SLC24A3: variants seen among roughly 807,000 people sequenced by gnomAD.
SLC24A3 encodes solute carrier family 24 member 3.
SLC24A3 carries 28 observed loss-of-function variants against 75.8 expected under a neutral mutation model. The ratio of observed to expected loss-of-function variants is 0.37; its 90% confidence interval spans 0.27 to 0.51. The LOEUF (loss-of-function observed/expected upper bound fraction) is 0.51. SLC24A3 is among the 20% of genes least tolerant of loss of function. SLC24A3 has a pLI of 0.94. For missense variants in SLC24A3, 663 were observed against 847.8 expected, an observed-to-expected ratio of 0.78 and a Z score of 2.71; for synonymous variants, 372 against 334.1, an observed-to-expected ratio of 1.11 and a Z score of -1.24.
chr20:19,639,630 G>A (rs947837074), intron 6 of SLC24A3, among the ~76,000 whole-genome samples: 28 of 152,362 alleles, frequency 1.8e-4, no homozygotes, highest in African/African-American at 5.3e-4. Context: ...CTGTGCAGCC[G>A]CACTCCTCAG....
At chr20:19,637,910 T>C (rs2032020716) in intron 6 of SLC24A3, among the ~76,000 whole-genome samples, 1 of 152,168 alleles carries the variant, frequency 6.6e-6, no homozygotes, top group South Asian at 2.1e-4. Context: ...AGATTAGGAG[T>C]ATAAGAGAAT....
At chr20:19,650,642 C>T (rs1406969) in intron 6 of SLC24A3, among the ~76,000 whole-genome samples, 1 of 151,534 alleles carries the variant, frequency 6.6e-6, no homozygotes, top group Non-Finnish European at 1.5e-5. Context: ...TTTTAGCCCC[C>T]CCTTCTCACT....
At chr20:19,601,093 G>A (rs181238592) in intron 6 of SLC24A3, among the ~76,000 whole-genome samples, 5 of 152,292 alleles carry the variant, frequency 3.3e-5, no homozygotes, top group East Asian at 1.9e-4. Context: ...CTACTAAATG[G>A]GAGTAATAAT....
chr20:19,595,063 C>T (rs775269901), intron 6 of SLC24A3, among the ~76,000 whole-genome samples: 3 of 152,038 alleles, frequency 2.0e-5, no homozygotes, highest in Non-Finnish European at 2.9e-5. Context: ...AGCCATTGCC[C>T]CCAGGAACAG....
At chr20:19,579,047 T>C (rs148479655) in intron 3 of SLC24A3, among the ~76,000 whole-genome samples, 11 of 152,302 alleles carry the variant, frequency 7.2e-5, no homozygotes, top group Non-Finnish European at 1.3e-4. Flanking sequence ...ACCTAGGTCA[T>C]GTGCTCACCT....
intron 3 of SLC24A3, among the ~76,000 whole-genome samples, chr20:19,529,922 G>T (rs977874240): frequency 6.6e-6 from 1 of 152,048 alleles, no homozygotes; most frequent in Admixed American, 6.5e-5. Context: ...ACCAAAAATG[G>T]CAAGAAGTGA....
intron 2 of SLC24A3, among the ~76,000 whole-genome samples, chr20:19,380,951 T>C (rs1986169786): frequency 6.6e-6 from 1 of 152,136 alleles, no homozygotes. Flanking sequence ...TTTATAATAA[T>C]TAGCCAGGCC....
chr20:19,382,515 C>T (rs1986200023), intron 2 of SLC24A3, among the ~76,000 whole-genome samples: 1 of 152,136 alleles, frequency 6.6e-6, no homozygotes, highest in South Asian at 2.1e-4. Flanking sequence ...AGGGGCCTTG[C>T]GGCTGGCAGA....
At chr20:19,668,444 C>A (rs868113802) in intron 8 of SLC24A3, among the ~76,000 whole-genome samples, 79 of 152,246 alleles carry the variant, frequency 5.2e-4, no homozygotes, top group African/African-American at 1.6e-3. Flanking sequence ...TTTGAAAATA[C>A]CTTTAACAGA....
At chr20:19,241,202 A>T (rs923415913) in intron 1 of SLC24A3, among the ~76,000 whole-genome samples, 1 of 152,228 alleles carries the variant, frequency 6.6e-6, no homozygotes, top group Non-Finnish European at 1.5e-5. Flanking sequence ...TTAGGGTAGG[A>T]CACGGACGGG....
intron 2 of SLC24A3, among the ~76,000 whole-genome samples, chr20:19,341,023 G>A (rs1985260601): frequency 6.6e-6 from 1 of 152,188 alleles, no homozygotes; most frequent in African/African-American, 2.4e-5. Flanking sequence ...TTGCATGTAA[G>A]CTCTTCCCTC....
At chr20:19,708,656 C>T (rs1486616147) in intron 15 of SLC24A3, among the ~76,000 whole-genome samples, 1 of 152,228 alleles carries the variant, frequency 6.6e-6, no homozygotes, top group Non-Finnish European at 1.5e-5. Context: ...GAAACAGGAC[C>T]GTGTCAGAAG....
chr20:19,322,598 C>G (rs1984738617), intron 2 of SLC24A3, among the ~76,000 whole-genome samples: 1 of 152,160 alleles, frequency 6.6e-6, no homozygotes, highest in Non-Finnish European at 1.5e-5. Flanking sequence ...GGATTTCCCT[C>G]TAGCCTGCAT....
chr20:19,516,713 C>T (rs1431419278), intron 3 of SLC24A3, among the ~76,000 whole-genome samples: 3 of 152,220 alleles, frequency 2.0e-5, no homozygotes, highest in Non-Finnish European at 4.4e-5. Context: ...CACGTGGCAG[C>T]CCAGAGAGCT....
intron 15 of SLC24A3, among the ~76,000 whole-genome samples, chr20:19,711,132 A>AC (rs1568707543): frequency 6.7e-6 from 1 of 150,080 alleles, no homozygotes; most frequent in Non-Finnish European, 1.5e-5. Context: ...CATGCAGGCA[A>AC]ACACACACAC....
intron 6 of SLC24A3, among the ~76,000 whole-genome samples, chr20:19,634,467 A>G (rs2031975267): frequency 6.6e-6 from 1 of 152,186 alleles, no homozygotes. Flanking sequence ...GGCTTGTCCC[A>G]AAATGTTCAT....
chr20:19,221,663 C>A (rs747322900), intron 1 of SLC24A3, among the ~76,000 whole-genome samples: 6 of 152,194 alleles, frequency 3.9e-5, no homozygotes, highest in Non-Finnish European at 8.8e-5. Flanking sequence ...GCTTGAATGT[C>A]TTCTAGCTTC....
In SLC24A3 at chr20:19,428,474, A is replaced by T. The variant is rs548109795; in HGVS notation, c.272-87014A>T. 7.2e-5 allele frequency among the ~76,000 whole-genome samples: 11 copies of T among 152,350 alleles called. No individual in the cohort carries two copies. The South Asian group carries it at 2.3e-3, about 32-fold the overall frequency. Reference sequence around the variant, plus strand: ...GCGAAATTCTAAAATGGGAACAAGGATGTGGAGGAAGTTCCACATTTGCAT... The same window carrying T: ...GCGAAATTCTAAAATGGGAACAAGGTTGTGGAGGAAGTTCCACATTTGCAT... On this transcript the variant is annotated intron_variant, in intron 2 of 16. Coordinates refer to ENST00000328041, the MANE Select transcript of SLC24A3 (RefSeq NM_020689.4).
intron 15 of SLC24A3, among the ~76,000 whole-genome samples, chr20:19,699,236 T>C (rs1325119312): frequency 6.6e-6 from 1 of 152,234 alleles, no homozygotes; most frequent in South Asian, 2.1e-4. Context: ...CTTCACCTTA[T>C]TACAGGCTAA....
Sources: allele counts gnomAD v4.1 joint callset (sites outside exome capture counted in the v4.1 genomes callset), GRCh38; gene constraint gnomAD v4.1.1; transcripts MANE v1.5; gene names NCBI Gene and HGNC (gene_info 2026-07-23, HGNC 2026-07-21).